TSLP: variants seen among roughly 807,000 people sequenced by gnomAD.
TSLP encodes the protein thymic stromal lymphopoietin.
Under a neutral mutation model 12.4 loss-of-function variants are expected in TSLP, and 12 were observed. The ratio of observed to expected loss-of-function variants is 0.97; its 90% CI spans 0.62 to 1.57. The LOEUF (loss-of-function observed/expected upper bound fraction) is 1.57, where lower values mean the gene tolerates loss of function less well. TSLP is among the 40% of genes most tolerant of loss of function. The pLI, the probability that TSLP is intolerant of heterozygous loss-of-function variation, is 0.00. For missense variants in TSLP, 222 were observed against 189.6 expected, an observed-to-expected ratio of 1.17 and a Z score of -1.00; for synonymous variants, 97 against 69.5, an observed-to-expected ratio of 1.40 and a Z score of -1.97.
At chr5:111,073,345 G>C (rs1163622403) in intron 2 of TSLP, 166 bp from the exon 3 acceptor site, 3 of 1,464,740 alleles carry the variant, frequency 2.0e-6, no homozygotes, top group Non-Finnish European at 1.8e-6. Context: ...CCCCGCGGTT[G>C]GTTCTTCCTT....
chr5:111,073,181 G>A (rs905776262), intron 2 of TSLP: 2 of 956,168 alleles, frequency 2.1e-6, no homozygotes, highest in African/African-American at 1.7e-5. Context: ...ACGAGGGAAC[G>A]TTGTTAGGGG....
At chr5:111,071,479 C>G (rs1484329067), upstream of TSLP, 2 of 1,545,624 alleles carry the variant, frequency 1.3e-6, no homozygotes, top group African/African-American at 2.7e-5. Context: ...AGGACATTCA[C>G]ACTTATGAAG....
At position 111,076,136 on chromosome 5, in the gene TSLP, A is replaced by C; in HGVS notation, c.*62A>C. ...ATAAATCATCTTTATTAAGTAGATGAAACATTAACTCTAACTGTGACAAAG... is the reference window on the plus strand; with the variant it reads ...ATAAATCATCTTTATTAAGTAGATGCAACATTAACTCTAACTGTGACAAAG... On this transcript the variant is annotated 3_prime_UTR_variant, in exon 4 of 4. Coordinates refer to ENST00000344895, the MANE Select transcript of TSLP (RefSeq NM_033035.5). 1 of 1,559,372 alleles carries C rather than the reference A, an allele frequency of 6.4e-7. No homozygotes were observed. Among genetic ancestry groups the C allele is most frequent in the Non-Finnish European group, 8.8e-7 (1 of 1,136,590 alleles).
chr5:111,071,783 C>T lies in TSLP; in HGVS notation c.-108C>T. The T allele has an allele frequency of 1.4e-6, 2 of 1,417,864 alleles. No homozygotes were observed. Among genetic ancestry groups the T allele is most frequent in the East Asian group, 2.3e-5 (1 of 43,654 alleles). The allele number at this position is 1,417,864 out of a possible 1,614,324, so 87.8% of individuals were successfully genotyped here. On this transcript the variant is annotated 5_prime_UTR_variant, in exon 1 of 4. Coordinates refer to ENST00000344895, the MANE Select transcript of TSLP (RefSeq NM_033035.5). ...CTTCCTGTGGACTGGCAATGAGAGG[C>T]AAAACCTGGTGCTTGAGCACTGGCC...
intron 3 of TSLP, among the ~76,000 whole-genome samples, chr5:111,074,829 A>G (rs1752455785): frequency 6.6e-6 from 1 of 151,982 alleles, no homozygotes; most frequent in Non-Finnish European, 1.5e-5. Flanking sequence ...CATATTGGCC[A>G]GGCTGGTCTC....
intron 3 of TSLP, 108 bp downstream of exon 3, chr5:111,073,753 C>G (rs1197726443): frequency 7.6e-7 from 1 of 1,311,866 alleles, no homozygotes; most frequent in Admixed American, 2.3e-5. Context: ...TTTTATCTTT[C>G]GAAGAGCAAA....
At chr5:111,073,456 CTT>C in intron 2 of TSLP, 53 bp from the exon 3 acceptor site, 1 of 1,610,246 alleles carries the variant, frequency 6.2e-7, no homozygotes, top group Non-Finnish European at 8.5e-7. Flanking sequence ...CTCACCAACT[CTT>C]TCTCTCTCTG....
intron 3 of TSLP, among the ~76,000 whole-genome samples, chr5:111,075,208 A>C (rs1488763876): frequency 1.3e-5 from 2 of 152,172 alleles, no homozygotes; most frequent in Non-Finnish European, 2.9e-5. Context: ...ACTAATAATA[A>C]TGATTTTGCA....
rs866271073 is a variant in TSLP at position 111,075,865 on chromosome 5, G to C, written c.352-81G>C. ...ACACACTGAAAGATGGATTTGCATAGAGAAGGCAATTAAACCTGCTCTCAA... is the reference window on the plus strand; with the variant it reads ...ACACACTGAAAGATGGATTTGCATACAGAAGGCAATTAAACCTGCTCTCAA... On this transcript the variant is annotated intron_variant, in intron 3 of 3. Coordinates refer to ENST00000344895, the MANE Select transcript of TSLP (RefSeq NM_033035.5). 5 of 1,428,990 alleles carry C rather than the reference G, an allele frequency of 3.5e-6. No homozygotes were observed. The African/African-American group carries it at 4.3e-5, about 12-fold the overall frequency. 88.5% of individuals were successfully genotyped at this position (1,428,990 alleles called of 1,614,324 possible). A position where few individuals can be genotyped will look rare whatever the true frequency, so the allele number is the denominator to read the frequency against.
At chr5:111,072,604 A>G (rs1269982741) in intron 1 of TSLP, among the ~76,000 whole-genome samples, 3 of 152,120 alleles carry the variant, frequency 2.0e-5, no homozygotes, top group African/African-American at 4.8e-5. Flanking sequence ...CATCCAAAGG[A>G]TGGCATTATT....
chr5:111,071,977 C>T lies in TSLP; in HGVS notation c.87C>T (p.Tyr29=), dbSNP rs772522358. 1.4e-5 allele frequency: 22 copies of T among 1,614,182 alleles called. No individual in the cohort carries two copies. In the East Asian group the frequency reaches 1.8e-4, roughly 13 times the overall value. ...ILQLVGLVLT[Y]DFTNCDFEKI... ...AACTTGTAGGGCTGGTGTTAACTTACGACTTCACTAACTGTGACTTTGAGA... is the reference window on the plus strand; with the variant it reads ...AACTTGTAGGGCTGGTGTTAACTTATGACTTCACTAACTGTGACTTTGAGA... Residue 29 remains tyrosine, a synonymous_variant, in exon 1 of 4, where the codon TAC becomes TAT. Coordinates refer to ENST00000344895, the MANE Select transcript of TSLP (RefSeq NM_033035.5).
chr5:111,075,073 A>G (rs955458571), intron 3 of TSLP, among the ~76,000 whole-genome samples: 1 of 152,212 alleles, frequency 6.6e-6, no homozygotes, highest in Non-Finnish European at 1.5e-5. Flanking sequence ...AGATGGCTAC[A>G]ATAAAATTCA....
intron 3 of TSLP, 55 bp downstream of exon 3, chr5:111,073,700 CTG>C: frequency 6.4e-7 from 1 of 1,554,994 alleles, no homozygotes; most frequent in Non-Finnish European, 8.8e-7. Flanking sequence ...TCAAATTAAA[CTG>C]GGGCTTTGGT....
chr5:111,070,344 C>T (rs1375090822), upstream of TSLP: 2 of 152,446 alleles, frequency 1.3e-5, no homozygotes, highest in Middle Eastern at 6.3e-3. Flanking sequence ...AACCTCCTTT[C>T]TCCGAGCGAT....
At chr5:111,071,349 A>G (rs1464297586), upstream of TSLP, 11 of 1,172,326 alleles carry the variant, frequency 9.4e-6, no homozygotes, top group Non-Finnish European at 1.3e-5. Flanking sequence ...TGCATGGGAC[A>G]TATGCAAGGA....
chr5:111,073,511 C>G lies in TSLP; in HGVS notation c.217C>G (p.Pro73Ala). 1 of 1,614,118 alleles carries G rather than the reference C, an allele frequency of 6.2e-7. No homozygotes were observed. Among genetic ancestry groups the G allele is most frequent in the Non-Finnish European group, 8.5e-7 (1 of 1,180,030 alleles). The change falls in exon 3 of 4, where the codon CCA (proline) becomes GCA (alanine). Residue 73 changes from proline to alanine, a missense_variant and splice_region_variant. By Grantham distance (27) the Pro-to-Ala change is conservative. Coordinates refer to ENST00000344895, the MANE Select transcript of TSLP (RefSeq NM_033035.5). ...FNNTVSCSNRPHCLTEIQSLT... is the reference protein window; with the variant it reads ...FNNTVSCSNRAHCLTEIQSLT... ...CGTAAACTTTGCCGCCTATGAGCAG[C>G]CACATTGCCTTACTGAAATCCAGAG... is the stretch of plus-strand genomic sequence containing the variant.
upstream of TSLP, chr5:111,070,708 C>T (rs1011667241): frequency 6.6e-6 from 1 of 152,324 alleles, no homozygotes; most frequent in Non-Finnish European, 1.5e-5. Context: ...AATCTGAGCC[C>T]GCCATCTCGA....
At position 111,072,938 on chromosome 5, in the gene TSLP, T is replaced by G. The variant is rs199747405; in HGVS notation, c.216+6T>G. ...CCGTCTCTTGTAGCAATCGGGTGAG[T>G]AGAGAGTTCAGTGCTGCTGGCTTTC... On this transcript the variant is annotated splice_donor_region_variant and intron_variant, in intron 2 of 3. Coordinates refer to ENST00000344895, the MANE Select transcript of TSLP (RefSeq NM_033035.5). 1.2e-6 allele frequency: 2 copies of G among 1,613,918 alleles called. No individual in the cohort carries two copies. Among genetic ancestry groups the G allele is most frequent in the South Asian group, 1.1e-5 (1 of 91,068 alleles).
rs1213285994 is a variant in TSLP at position 111,073,574 on chromosome 5, G to A, written c.280G>A (p.Ala94Thr). The A allele has an allele frequency of 1.2e-6, 2 of 1,614,022 alleles. No homozygotes were observed. Among genetic ancestry groups the A allele is most frequent in the Non-Finnish European group, 1.7e-6 (2 of 1,180,036 alleles). ...TCCCACCGCCGGCTGCGCGTCGCTCGCCAAAGAAATGTTCGCCATGAAAAC... is the reference window on the plus strand; with the variant it reads ...TCCCACCGCCGGCTGCGCGTCGCTCACCAAAGAAATGTTCGCCATGAAAAC... ...FNPTAGCASL[A>T]KEMFAMKTKA... Residue 94 changes from alanine (A) to threonine (T), a missense_variant, in exon 3 of 4, where the codon GCC (alanine) becomes ACC (threonine). Ala to Thr is a moderately conservative substitution (Grantham distance 58). Coordinates refer to ENST00000344895, the MANE Select transcript of TSLP (RefSeq NM_033035.5).
Sources: allele counts gnomAD v4.1 joint callset (sites outside exome capture counted in the v4.1 genomes callset), GRCh38; gene constraint gnomAD v4.1.1; transcripts MANE v1.5; gene names NCBI Gene and HGNC (gene_info 2026-07-23, HGNC 2026-07-21).